The following NR2F1-AS1 variants were observed in gnomAD, a reference collection of about 807,000 sequenced individuals.
NR2F1-AS1 encodes NR2F1 regulatory antisense RNA 1.
intron 4 of NR2F1-AS1, among the ~76,000 whole-genome samples, chr5:93,428,748 G>A (rs189184359): frequency 6.0e-4 from 91 of 152,246 alleles, no homozygotes; most frequent in African/African-American, 2.1e-3. Flanking sequence ...GATTATATAA[G>A]TACTTTAAAA....
At chr5:93,466,979 CA>C (rs1208739406) in intron 4 of NR2F1-AS1, among the ~76,000 whole-genome samples, 2 of 143,458 alleles carry the variant, frequency 1.4e-5, no homozygotes, top group African/African-American at 5.1e-5. Flanking sequence ...CAGCTCTCTG[CA>C]AACTCCACCT....
chr5:93,486,072 A>G (rs1186972017), intron 4 of NR2F1-AS1, among the ~76,000 whole-genome samples: 28 of 125,800 alleles, frequency 2.2e-4, no homozygotes, highest in African/African-American at 7.8e-4. Context: ...ATGAGAACAC[A>G]TGGACACAGG....
At chr5:93,486,008 C>G (rs1225637097) in intron 4 of NR2F1-AS1, among the ~76,000 whole-genome samples, 2 of 131,824 alleles carry the variant, frequency 1.5e-5, no homozygotes, top group East Asian at 4.3e-4. Flanking sequence ...TAAACTATCG[C>G]AAGAACAAAA....
At chr5:93,532,112 C>T (rs1751748030) in intron 4 of NR2F1-AS1, among the ~76,000 whole-genome samples, 1 of 152,046 alleles carries the variant, frequency 6.6e-6, no homozygotes, top group Non-Finnish European at 1.5e-5. Flanking sequence ...CCTCTGGTGG[C>T]TTAGGTGGAA....
intron 4 of NR2F1-AS1, among the ~76,000 whole-genome samples, chr5:93,487,584 A>C (rs1452537917): frequency 6.6e-6 from 1 of 152,200 alleles, no homozygotes; most frequent in Non-Finnish European, 1.5e-5. Flanking sequence ...CTGCTCAAGG[A>C]AATAAGAGAG....
chr5:93,513,203 A>G (rs909236067), intron 4 of NR2F1-AS1, among the ~76,000 whole-genome samples: 2 of 152,210 alleles, frequency 1.3e-5, no homozygotes, highest in Admixed American at 1.3e-4. Flanking sequence ...GAATTTTTAT[A>G]CACTGTTAGA....
intron 1 of NR2F1-AS1, among the ~76,000 whole-genome samples, chr5:93,578,669 C>A (rs1460043315): frequency 6.6e-6 from 1 of 152,048 alleles, no homozygotes; most frequent in Non-Finnish European, 1.5e-5. Flanking sequence ...GGTGAAAGGC[C>A]TGGCCTAGAA....
upstream of NR2F1-AS1, chr5:93,585,125 C>T (rs1471924234): frequency 1.4e-5 from 14 of 1,007,476 alleles, no homozygotes; most frequent in African/African-American, 1.8e-5. Flanking sequence ...GCGGCGGCGG[C>T]GGCGGCGCCG....
chr5:93,512,437 G>A (rs779630786), intron 4 of NR2F1-AS1, among the ~76,000 whole-genome samples: 3 of 152,082 alleles, frequency 2.0e-5, no homozygotes, highest in Admixed American at 6.6e-5. Context: ...AAGTAAAAAC[G>A]TTAATTTATC....
chr5:93,487,458 C>A (rs879906526), intron 4 of NR2F1-AS1, among the ~76,000 whole-genome samples: 1 of 152,058 alleles, frequency 6.6e-6, no homozygotes, highest in South Asian at 2.1e-4. Context: ...CAATAATAGA[C>A]AAACAGCCAA....
At chr5:93,523,806 G>C (rs775430181) in intron 4 of NR2F1-AS1, among the ~76,000 whole-genome samples, 3 of 152,040 alleles carry the variant, frequency 2.0e-5, no homozygotes, top group Non-Finnish European at 4.4e-5. Context: ...GGAATAGCAT[G>C]AACATCAACA....
intron 4 of NR2F1-AS1, among the ~76,000 whole-genome samples, chr5:93,498,620 G>C (rs184783544): frequency 5.4e-4 from 82 of 151,988 alleles, no homozygotes; most frequent in Non-Finnish European, 9.1e-4. Context: ...AAAATACAAA[G>C]GTTCCTCTAT....
At chr5:93,493,629 G>A (rs1750897953) in intron 4 of NR2F1-AS1, among the ~76,000 whole-genome samples, 1 of 151,988 alleles carries the variant, frequency 6.6e-6, no homozygotes, top group African/African-American at 2.4e-5. Flanking sequence ...CAAGCAGTAT[G>A]GTATTGGCAT....
intron 4 of NR2F1-AS1, among the ~76,000 whole-genome samples, chr5:93,474,448 G>C (rs921137139): frequency 6.6e-6 from 1 of 152,094 alleles, no homozygotes; most frequent in Admixed American, 6.5e-5. Context: ...GAATGTCTTA[G>C]TCCATTCAGG....
intron 4 of NR2F1-AS1, among the ~76,000 whole-genome samples, chr5:93,502,791 T>A (rs1019646521): frequency 3.9e-5 from 6 of 152,090 alleles, no homozygotes; most frequent in African/African-American, 1.4e-4. Flanking sequence ...CCATGCCAGA[T>A]AAGAAATAGC....
chr5:93,466,916 G>GGC (rs1554065138), intron 4 of NR2F1-AS1, among the ~76,000 whole-genome samples: 1 of 123,102 alleles, frequency 8.1e-6, no homozygotes, highest in South Asian at 3.3e-4. Context: ...GGGGGGGGGG[G>GGC]GGTGGACGGA....
intron 4 of NR2F1-AS1, among the ~76,000 whole-genome samples, chr5:93,533,674 T>C (rs1751778520): frequency 2.0e-5 from 3 of 152,200 alleles, no homozygotes. Context: ...TTACATCGAT[T>C]AGCTGATTTA....
upstream of NR2F1-AS1, chr5:93,584,821 A>AGCGGCGGCAGCGGCG (rs1753196299): frequency 1.3e-5 from 2 of 156,016 alleles, no homozygotes; most frequent in South Asian, 3.5e-4. Context: ...CCGAGGCAGT[A>AGCGGCGGCAGCGGCG]GCGGCGGCAG....
intron 4 of NR2F1-AS1, among the ~76,000 whole-genome samples, chr5:93,453,859 GT>G (rs1749890380): frequency 2.0e-5 from 3 of 152,112 alleles, no homozygotes; most frequent in Admixed American, 1.3e-4. Flanking sequence ...AAATGTTAAA[GT>G]TCATCAGCAA....
Sources: gnomAD v4.1 joint callset for allele counts (sites outside exome capture counted in the v4.1 genomes callset) on GRCh38, gnomAD v4.1.1 for gene constraint, MANE v1.5 for transcripts, NCBI Gene and HGNC (gene_info 2026-07-23, HGNC 2026-07-21) for gene names.